Variants in DNAH2 observed in about 807,000 individuals in gnomAD.
DNAH2 encodes the protein axonemal beta dynein heavy chain 2.
A neutral mutation model predicts 523.5 loss-of-function variants in DNAH2; 323 were observed. The observed-to-expected ratio is 0.62, with a 90% CI of 0.56 to 0.68. The LOEUF is 0.68. Ranked by LOEUF, DNAH2 falls within the 30% of genes least tolerant of loss-of-function variation. The pLI, the probability that DNAH2 is intolerant of heterozygous loss-of-function variation, is 0.00. For missense variants in DNAH2, 4,907 were observed against 5,701.5 expected (o/e 0.86, Z 4.49); for synonymous variants, 2,093 against 2,177.4 (o/e 0.96, Z 1.08).
Position 7,780,717 on chromosome 17 carries a change from C to G in DNAH2, c.5938C>G (p.Leu1980Val). The G allele has an allele frequency of 6.2e-7, 1 of 1,614,260 alleles. No homozygotes were observed. The highest frequency in any genetic ancestry group is 1.1e-5 in the South Asian group (1 of 91,092). Reference sequence around the variant, plus strand: ...CCACTATGACTTTGGCCTGCGTGCCCTCACCTCCCTTCTGCGCTATGCTGG... The same window carrying G: ...CCACTATGACTTTGGCCTGCGTGCCGTCACCTCCCTTCTGCGCTATGCTGG... ...QDHYDFGLRA[L>V]TSLLRYAGKK... Residue 1980 changes from leucine to valine, a missense_variant, in exon 38 of 86, where the codon CTC (leucine) becomes GTC (valine). By Grantham distance (32) the Leu-to-Val change is conservative. Transcript: ENST00000572933. This position sits in a 1 kb window ranked among gnomAD's most constrained non-coding sequence, Gnocchi z 4.4.
Position 7,758,658 on chromosome 17 carries a change from C to T in DNAH2, c.2208+7C>T, listed in dbSNP as rs985929982. 8 of 1,611,012 alleles carry T rather than the reference C, an allele frequency of 5.0e-6. No individual in the cohort carries two copies. The highest frequency in any genetic ancestry group is 1.7e-5 in the Admixed American group (1 of 59,416). On this transcript the variant is annotated splice_region_variant and intron_variant, in intron 14 of 85. Transcript: ENST00000572933. ...CCGTATACATGCCAGCAAGGTGGGC[C>T]ATGGTCCTTAGACCCTAAAGGTCTG...
rs147216751 is a variant in DNAH2 at position 7,780,169 on chromosome 17, G to C, written c.5735G>C (p.Arg1912Pro). ...CATTGTTTTCCAGGCTATGCTGGCC[G>C]CACAGAGCTTCCCGAAAATCTTAAA... is the stretch of plus-strand genomic sequence containing the variant. ...FITMNPGYAG[R>P]TELPENLKSM... Residue 1912 changes from arginine (R) to proline (P), a missense_variant, in exon 37 of 86, where the codon CGC (arginine) becomes CCC (proline). Physicochemically the swap from Arg to Pro is moderately radical, Grantham distance 103 (BLOSUM62 -2). Transcript: ENST00000572933. This position sits in a 1 kb window ranked among gnomAD's most constrained non-coding sequence, Gnocchi z 4.4. 8 of 1,612,964 alleles carry C rather than the reference G, an allele frequency of 5.0e-6. No homozygotes were observed. Among genetic ancestry groups the C allele is most frequent in the Non-Finnish European group, 6.8e-6 (8 of 1,179,518 alleles).
intron 57 of DNAH2, 51 bp downstream of exon 57, chr17:7,801,761 C>G (rs143125898): frequency 1.2e-6 from 2 of 1,611,416 alleles, no homozygotes; most frequent in African/African-American, 1.3e-5. Context: ...CCCTCTCCCC[C>G]GCCTCTCATC....
rs189951694 is a variant in DNAH2, at chr17:7,760,671, G to A, written c.2786-69G>A. 2 of 1,498,320 alleles carry A rather than the reference G, an allele frequency of 1.3e-6. No homozygotes were observed. Among genetic ancestry groups the A allele is most frequent in the East Asian group, 2.3e-5 (1 of 42,882 alleles). 92.8% of individuals were successfully genotyped at this position (1,498,320 alleles called of 1,614,324 possible). ...TTAGAGTGGAAGGTCTGGAGCAGTG[G>A]GCAGGGCTCAGGCAGAAGTTGGGTT... is the stretch of plus-strand genomic sequence containing the variant. On this transcript the variant is annotated intron_variant, in intron 17 of 85. Coordinates refer to ENST00000572933, the MANE Select transcript of DNAH2 (RefSeq NM_020877.5). This position sits in a 1 kb window ranked among gnomAD's most constrained non-coding sequence, Gnocchi z 4.0.
chr17:7,735,451 C>CA (rs2075113577), intron 7 of DNAH2, among the ~76,000 whole-genome samples: 1 of 150,754 alleles, frequency 6.6e-6, no homozygotes. Flanking sequence ...CTTTTCATTT[C>CA]TTTTTTTTTC....
chr17:7,799,048 C>T (rs567368539), intron 55 of DNAH2, 55 bp from the exon 56 acceptor site: 38 of 1,595,786 alleles, frequency 2.4e-5, no homozygotes, highest in South Asian at 1.3e-4. Flanking sequence ...CCGCTGCCCC[C>T]GCTGATTCTG....
Position 7,807,366 on chromosome 17 carries a change from G to T in DNAH2, c.9612+47G>T, listed in dbSNP as rs2077395116. 5.0e-6 allele frequency: 8 copies of T among 1,604,006 alleles called. No homozygotes were observed. The highest frequency in any genetic ancestry group is 2.7e-5 in the African/African-American group (2 of 74,800). Reference sequence around the variant, plus strand: ...CGGGGCGGTAGGGAGGGCAGGCCTGGGGGAGTGCGGATGCACAGACCCAGG... The same window carrying T: ...CGGGGCGGTAGGGAGGGCAGGCCTGTGGGAGTGCGGATGCACAGACCCAGG... On this transcript the variant is annotated intron_variant, in intron 62 of 85. Transcript: ENST00000572933. This position sits in a 1 kb window ranked among gnomAD's most constrained non-coding sequence, Gnocchi z 5.6.
At chr17:7,802,200 C>T (rs1597712877) in intron 58 of DNAH2, among the ~76,000 whole-genome samples, 183 bp downstream of exon 58, 1 of 152,194 alleles carries the variant, frequency 6.6e-6, no homozygotes, top group Non-Finnish European at 1.5e-5. Context: ...CTGGCTATGT[C>T]CCCCTCAGCC....
At chr17:7,784,864 A>G (rs6503060) in intron 39 of DNAH2, among the ~76,000 whole-genome samples, 35,403 of 152,186 alleles carry the variant, frequency 0.23, 5,364 homozygotes, top group Non-Finnish European at 0.34. Flanking sequence ...TACAAAATCC[A>G]TAAAAGAAAC....
rs546271088 is a variant in DNAH2 at position 7,724,534 on chromosome 17, G to A, written c.228+845G>A. 5.9e-5 allele frequency among the ~76,000 whole-genome samples: 9 copies of A among 152,116 alleles called. No individual in the cohort carries two copies. The East Asian group carries it at 1.7e-3, about 29-fold the overall frequency. The stretch of plus-strand genomic sequence containing the variant: ...CTCGCCAGGCTGAGACAGGAGAATT[G>A]CTTGAACCCGAGGGCAGAGGTTGCA... On this transcript the variant is annotated intron_variant, in intron 3 of 85. Transcript: ENST00000572933.
chr17:7,817,409 C>T lies in DNAH2; in HGVS notation c.10014C>T (p.Ile3338=), dbSNP rs774648799. The change falls in exon 65 of 86, where the codon ATC becomes ATT. Residue 3338 remains isoleucine, a synonymous_variant. Transcript: ENST00000572933. ...ATGAGATTGTCAACCAAATCTGGATCGGGAAGGTGAGATGGGACTCAGGCA... is the reference window on the plus strand; with the variant it reads ...ATGAGATTGTCAACCAAATCTGGATTGGGAAGGTGAGATGGGACTCAGGCA... The part of the protein sequence containing the change: ...YRDEIVNQIW[I]GKIWELQVPC... 1.2e-4 allele frequency: 197 copies of T among 1,613,750 alleles called. 1 individual carries two copies. The South Asian group carries it at 1.3e-3, about 10-fold the overall frequency.
rs1315531069 is a variant in DNAH2 at position 7,759,544 on chromosome 17, C to G, written c.2571C>G (p.Thr857=). Residue 857 remains threonine (T), a synonymous_variant, in exon 16 of 86, where the codon ACC becomes ACG. Coordinates refer to ENST00000572933, the MANE Select transcript of DNAH2 (RefSeq NM_020877.5). Reference sequence around the variant, plus strand: ...AGGCTATCAACGGGGATGGAAAGACCAGCCCAAACCCACTCTTCCAAGTCC... The same window carrying G: ...AGGCTATCAACGGGGATGGAAAGACGAGCCCAAACCCACTCTTCCAAGTCC... The part of the protein sequence containing the change: ...LSKAINGDGK[T]SPNPLFQVLV... The G allele has an allele frequency of 3.1e-6, 5 of 1,614,166 alleles. No individual in the cohort carries two copies. The highest frequency in any genetic ancestry group is 4.2e-6 in the Non-Finnish European group (5 of 1,180,038).
intron 58 of DNAH2, among the ~76,000 whole-genome samples, chr17:7,804,014 C>G (rs2077294618): frequency 6.6e-6 from 1 of 152,110 alleles, no homozygotes; most frequent in East Asian, 1.9e-4. Context: ...CAAGCTGATT[C>G]TGGTAGTGGT....
chr17:7,741,820 C>T (rs571285460), intron 11 of DNAH2, among the ~76,000 whole-genome samples: 33 of 151,874 alleles, frequency 2.2e-4, no homozygotes, highest in South Asian at 6.3e-4. Flanking sequence ...TGCACCACCA[C>T]GCCCGGCTAA....
At position 7,824,152 on chromosome 17, in the gene DNAH2, T is replaced by C. The variant is rs2077951844; in HGVS notation, c.11510T>C (p.Leu3837Pro). 2 of 1,577,642 alleles carry C rather than the reference T, an allele frequency of 1.3e-6. No homozygotes were observed. Among genetic ancestry groups the C allele is most frequent in the Middle Eastern group, 3.4e-4 (2 of 5,914 alleles). ...VLEDSTPRSP[L>P]VFILSPGVDP... The stretch of plus-strand genomic sequence containing the variant: ...GAGGATTCAACCCCACGATCCCCAC[T>C]CGTGTTCATCCTGTCCCCTGGTGTG... The change falls in exon 76 of 86, where the codon CTC becomes CCC. Residue 3837 changes from leucine (L) to proline (P), a missense_variant. Physicochemically the swap from Leu to Pro is moderately conservative, Grantham distance 98. This residue lies in a region of DNAH2 where 1,851 missense variants were observed against 2,139.4 expected (regional missense o/e 0.87). Coordinates refer to ENST00000572933, the MANE Select transcript of DNAH2 (RefSeq NM_020877.5).
rs1248892124 is a variant in DNAH2 at position 7,830,423 on chromosome 17, C to T, written c.11977C>T (p.Leu3993Phe). 6.2e-7 allele frequency: 1 copy of T among 1,614,246 alleles called. No individual in the cohort carries two copies. The highest frequency in any genetic ancestry group is 1.1e-5 in the South Asian group (1 of 91,090). ...FSLCFFHSVL[L>F]ERKKFLQLGW... ...ACTCTGTTTCTTCCACTCTGTGTTA[C>T]TTGAACGCAAAAAGTTCCTGCAGCT... The change falls in exon 78 of 86, where the codon CTT (leucine) becomes TTT (phenylalanine). Residue 3993 changes from leucine to phenylalanine, a missense_variant. Leu to Phe is a conservative substitution (Grantham distance 22). Transcript: ENST00000572933.
chr17:7,786,228 C>T lies in DNAH2; in HGVS notation c.6234C>T (p.His2078=), dbSNP rs1290834460. ...FQLYETKNSR[H]STMIVGCTGS... ...TGTATGAAACCAAGAACTCCCGCCACTCCACCATGATCGTGGGCTGCACGG... is the reference window on the plus strand; with the variant it reads ...TGTATGAAACCAAGAACTCCCGCCATTCCACCATGATCGTGGGCTGCACGG... Residue 2078 remains histidine (H), a synonymous_variant, in exon 40 of 86, where the codon CAC becomes CAT. Transcript: ENST00000572933. The surrounding 1 kb of genome is among the most constrained non-coding windows in gnomAD (Gnocchi z 7.5). 6.2e-7 allele frequency: 1 copy of T among 1,614,196 alleles called. No homozygotes were observed. The highest frequency in any genetic ancestry group is 2.2e-5 in the East Asian group (1 of 44,880).
intron 64 of DNAH2, 111 bp from the exon 65 acceptor site, chr17:7,817,179 A>T: frequency 7.0e-7 from 1 of 1,427,316 alleles, no homozygotes; most frequent in Non-Finnish European, 9.2e-7. Flanking sequence ...GGGGAGGGAA[A>T]GATCCTCTTT....
At chr17:7,824,846 AC>A in intron 77 of DNAH2, 119 bp downstream of exon 77, 1 of 868,338 alleles carries the variant, frequency 1.2e-6, no homozygotes. Flanking sequence ...AAAAAATTCC[AC>A]CTCATTCCTC....
Sources: gnomAD v4.1 joint callset for allele counts (sites outside exome capture counted in the v4.1 genomes callset) on GRCh38, gnomAD v4.1.1 for gene constraint, gnomAD v4.1.1 regional missense constraint, Gnocchi (gnomAD v3.1) non-coding constraint, MANE v1.5 for transcripts, NCBI Gene and HGNC (gene_info 2026-07-23, HGNC 2026-07-21) for gene names.